Variants in KIF16B observed in about 807,000 individuals in gnomAD.
KIF16B encodes kinesin-like protein KIF16B.
KIF16B carries 98 observed loss-of-function variants against 156.3 expected under a neutral mutation model. The observed-to-expected ratio is 0.63, with a 90% CI of 0.53 to 0.74. The LOEUF (loss-of-function observed/expected upper bound fraction) is 0.74. Among genes scored for constraint, KIF16B ranks in the 30% least tolerant of loss-of-function variants. KIF16B has a pLI of 0.00. For synonymous variants in KIF16B, 564 were observed against 583.7 expected, an observed-to-expected ratio of 0.97 and a Z score of 0.49; for missense variants, 1,421 against 1,606.5, an observed-to-expected ratio of 0.88 and a Z score of 1.97.
At chr20:16,450,575 C>T (rs2067052789) in intron 12 of KIF16B, among the ~76,000 whole-genome samples, 2 of 152,226 alleles carry the variant, frequency 1.3e-5, no homozygotes, top group South Asian at 2.1e-4. Context: ...CAGTCCTCCA[C>T]GTCCCACGTG....
intron 23 of KIF16B, among the ~76,000 whole-genome samples, chr20:16,341,326 A>G (rs1198000844): frequency 1.3e-5 from 2 of 152,162 alleles, no homozygotes; most frequent in Non-Finnish European, 2.9e-5. Context: ...AGAACCTAAC[A>G]ATGATGTTAT....
chr20:16,483,062 G>A (rs1165903947), intron 12 of KIF16B, among the ~76,000 whole-genome samples: 2 of 152,146 alleles, frequency 1.3e-5, no homozygotes, highest in African/African-American at 4.8e-5. Context: ...ACCATTCAAT[G>A]GAGAGCTCAA....
chr20:16,395,554 T>C (rs1350849412), intron 17 of KIF16B, among the ~76,000 whole-genome samples: 2 of 152,176 alleles, frequency 1.3e-5, no homozygotes, highest in Admixed American at 1.3e-4. Flanking sequence ...ATCTAGTTCT[T>C]TCAAGCTTTA....
intron 3 of KIF16B, among the ~76,000 whole-genome samples, chr20:16,525,485 C>T (rs1301113582): frequency 6.6e-6 from 1 of 152,050 alleles, no homozygotes; most frequent in African/African-American, 2.4e-5. Context: ...ACATCAGTGT[C>T]TTGATAGGCT....
At chr20:16,309,742 G>A (rs1195076407) in intron 25 of KIF16B, among the ~76,000 whole-genome samples, 2 of 152,146 alleles carry the variant, frequency 1.3e-5, no homozygotes, top group Non-Finnish European at 2.9e-5. Flanking sequence ...TAATCAGTTG[G>A]ATAACTTCTT....
At chr20:16,534,824 T>C (rs1195823517) in intron 1 of KIF16B, among the ~76,000 whole-genome samples, 1 of 152,214 alleles carries the variant, frequency 6.6e-6, no homozygotes, top group African/African-American at 2.4e-5. Context: ...GATTTATTTC[T>C]GGGTTCTCTG....
intron 24 of KIF16B, among the ~76,000 whole-genome samples, chr20:16,330,328 G>C (rs1297376667): frequency 1.3e-5 from 2 of 152,176 alleles, no homozygotes; most frequent in Non-Finnish European, 2.9e-5. Flanking sequence ...CCAAATGAAT[G>C]TGAGTGAACA....
intron 23 of KIF16B, among the ~76,000 whole-genome samples, chr20:16,339,032 C>T (rs1052659397): frequency 1.3e-5 from 2 of 151,872 alleles, no homozygotes; most frequent in African/African-American, 2.4e-5. Context: ...AAAGGCAAGT[C>T]GAAATGGGAG....
At chr20:16,307,046 G>A (rs2063551512) in intron 25 of KIF16B, among the ~76,000 whole-genome samples, 1 of 152,162 alleles carries the variant, frequency 6.6e-6, no homozygotes, top group Admixed American at 6.5e-5. Context: ...TAATGCTCAA[G>A]CTAAAGAGAT....
chr20:16,456,100 T>C (rs2067205648), intron 12 of KIF16B, among the ~76,000 whole-genome samples: 1 of 78,266 alleles, frequency 1.3e-5, no homozygotes, highest in Non-Finnish European at 2.6e-5. Context: ...CTGGAGCCAA[T>C]ACAATACAAT....
At chr20:16,424,083 C>T (rs185327174) in intron 15 of KIF16B, among the ~76,000 whole-genome samples, 1 of 152,016 alleles carries the variant, frequency 6.6e-6, no homozygotes, top group Non-Finnish European at 1.5e-5. Context: ...GAGCCCTTGT[C>T]CCACTGCAAA....
intron 1 of KIF16B, among the ~76,000 whole-genome samples, chr20:16,568,553 C>T (rs965827157): frequency 2.6e-5 from 4 of 152,260 alleles, no homozygotes; most frequent in South Asian, 2.1e-4. Flanking sequence ...GTGGATCACA[C>T]CTGTAATCCC....
chr20:16,499,036 T>C (rs1016768084), intron 10 of KIF16B, among the ~76,000 whole-genome samples: 1 of 152,058 alleles, frequency 6.6e-6, no homozygotes, highest in Non-Finnish European at 1.5e-5. Context: ...GTAGGCAAGG[T>C]CCTCGTGACA....
At chr20:16,495,651 C>T (rs1356562255) in intron 11 of KIF16B, among the ~76,000 whole-genome samples, 1 of 152,092 alleles carries the variant, frequency 6.6e-6, no homozygotes, top group Non-Finnish European at 1.5e-5. Context: ...GAAGAGGCTC[C>T]CTAACTCTGT....
intron 1 of KIF16B, among the ~76,000 whole-genome samples, chr20:16,550,440 C>T (rs1025127928): frequency 1.3e-5 from 2 of 151,456 alleles, no homozygotes; most frequent in Admixed American, 6.6e-5. Flanking sequence ...GTCAGTGTGG[C>T]GATTCCTCAG....
At chr20:16,446,394 C>T (rs2066931681) in intron 12 of KIF16B, among the ~76,000 whole-genome samples, 1 of 152,202 alleles carries the variant, frequency 6.6e-6, no homozygotes, top group South Asian at 2.1e-4. Context: ...TGTCTGGCTT[C>T]AGTAGACATT....
intron 17 of KIF16B, among the ~76,000 whole-genome samples, chr20:16,386,540 G>T (rs541503532): frequency 3.3e-5 from 5 of 151,874 alleles, no homozygotes; most frequent in Non-Finnish European, 7.4e-5. Context: ...GGTAGGTTTA[G>T]TTGTAAAGGG....
rs535307764 is a variant in KIF16B at position 16,431,138 on chromosome 20, T to C, written c.1303-1156A>G. Among the ~76,000 whole-genome samples, 28 of 152,136 alleles carry C rather than the reference T, an allele frequency of 1.8e-4. No homozygotes were observed. In the South Asian group the frequency reaches 5.8e-3, roughly 32 times the overall value. ...AAAATATGCCCAGAATCTGGTAACA[T>C]CAAGCCACCCGCAGCACGTGCCTCT... On this transcript the variant is annotated intron_variant, in intron 12 of 25. Transcript: ENST00000354981.
At chr20:16,448,706 C>T (rs376306250) in intron 12 of KIF16B, among the ~76,000 whole-genome samples, 2 of 152,274 alleles carry the variant, frequency 1.3e-5, no homozygotes, top group Middle Eastern at 3.4e-3. Flanking sequence ...CAATAGCCCA[C>T]GACAAGAGCC....
Sources: allele counts gnomAD v4.1 joint callset (sites outside exome capture counted in the v4.1 genomes callset), GRCh38; gene constraint gnomAD v4.1.1; transcripts MANE v1.5; gene names NCBI Gene and HGNC (gene_info 2026-07-23, HGNC 2026-07-21).